Variants in PTMA observed in about 807,000 individuals in gnomAD.
The protein encoded by PTMA is gene sequence 28.
PTMA carries 4 observed loss-of-function variants against 16.9 expected under a neutral mutation model. The observed-to-expected ratio is 0.24, with a 90% CI of 0.12 to 0.54. The LOEUF is 0.54. PTMA is among the 20% of genes least tolerant of loss of function. PTMA has a pLI of 0.95. For missense variants in PTMA, 120 were observed against 137.7 expected (o/e 0.87, Z 0.64); for synonymous variants, 58 against 47.9 (o/e 1.21, Z -0.87).
chr2:231,708,979 C>T (rs1284161031), intron 1 of PTMA, among the ~76,000 whole-genome samples: 1 of 152,154 alleles, frequency 6.6e-6, no homozygotes, highest in East Asian at 1.9e-4. Context: ...GGCCGGGCGC[C>T]CTCGGGGGCC....
intron 1 of PTMA, 175 bp from the exon 2 acceptor site, chr2:231,711,173 C>T: frequency 3.5e-6 from 2 of 565,554 alleles, no homozygotes; most frequent in Non-Finnish European, 6.3e-6. Context: ...CGCCGGCCTT[C>T]CTTCCACCAG....
chr2:231,710,384 C>A, intron 1 of PTMA: 2 of 1,179,912 alleles, frequency 1.7e-6, no homozygotes, highest in Non-Finnish European at 2.1e-6. Flanking sequence ...GCCCGCCGGG[C>A]GGGGGATGCG....
In PTMA at chr2:231,713,201, C is replaced by T. The variant is rs1049658179; in HGVS notation, c.*350C>T. The stretch of plus-strand genomic sequence containing the variant: ...GATCTCGGATGACCAAACCAGCCTT[C>T]GGAGCGTTCTCTGTCCTACTTCTGA... On this transcript the variant is annotated 3_prime_UTR_variant, in exon 5 of 5. Coordinates refer to ENST00000409115, the MANE Select transcript of PTMA (RefSeq NM_002823.5). The T allele has an allele frequency of 1.1e-4, 52 of 470,200 alleles. No individual in the cohort carries two copies. In the Admixed American group the frequency reaches 1.3e-3, roughly 12 times the overall value. 29.1% of individuals were successfully genotyped at this position (470,200 alleles called of 1,614,324 possible).
chr2:231,710,489 G>C (rs1476700704), intron 1 of PTMA: 6 of 1,057,434 alleles, frequency 5.7e-6, no homozygotes, highest in Non-Finnish European at 7.4e-6. Flanking sequence ...GCGGAGCGGA[G>C]CGGGGCGGGC....
intron 1 of PTMA, among the ~76,000 whole-genome samples, chr2:231,709,393 C>T (rs1435371270): frequency 1.3e-5 from 2 of 152,134 alleles, no homozygotes; most frequent in Non-Finnish European, 2.9e-5. Flanking sequence ...GGGTGGGCGC[C>T]CTTCGAGGTG....
At chr2:231,710,408 C>T in intron 1 of PTMA, 5 of 1,151,060 alleles carry the variant, frequency 4.3e-6, no homozygotes, top group Non-Finnish European at 4.3e-6. Flanking sequence ...CTGCGCGCCG[C>T]GACCTCCCTG....
intron 1 of PTMA, chr2:231,710,060 A>G: frequency 2.4e-6 from 3 of 1,225,666 alleles, no homozygotes; most frequent in African/African-American, 1.6e-5. Context: ...CCGAAGCACC[A>G]AAAGGTGACT....
In PTMA at chr2:231,709,048, G is replaced by GT. The variant is rs2048479235; in HGVS notation, c.45+298dup. ...CGAAACTCGTCTGTGGCCGGTATGA[G>GT]TGGCGGCGGGAGGAGAAGAGCCTGG... is the stretch of plus-strand genomic sequence containing the variant. On this transcript the variant is annotated intron_variant, in intron 1 of 4. Coordinates refer to ENST00000409115, the MANE Select transcript of PTMA (RefSeq NM_002823.5). 3.3e-5 allele frequency among the ~76,000 whole-genome samples: 5 copies of GT among 152,302 alleles called. No individual in the cohort carries two copies. The South Asian group carries it at 1.0e-3, about 32-fold the overall frequency.
intron 4 of PTMA, 76 bp from the exon 5 acceptor site, chr2:231,712,728 C>G: frequency 6.6e-7 from 1 of 1,517,012 alleles, no homozygotes; most frequent in African/African-American, 1.4e-5. Flanking sequence ...TCTTGCTCTG[C>G]CAGCAGGAGC....
Position 231,713,315 on chromosome 2 carries a change from T to A in PTMA, c.*464T>A. 2.0e-6 allele frequency: 1 copy of A among 508,542 alleles called. No homozygotes were observed. Among genetic ancestry groups the A allele is most frequent in the Non-Finnish European group, 4.0e-6 (1 of 252,050 alleles). The allele number at this position is 508,542 out of a possible 1,614,324, so 31.5% of individuals were successfully genotyped here. On this transcript the variant is annotated 3_prime_UTR_variant, in exon 5 of 5. Coordinates refer to ENST00000409115, the MANE Select transcript of PTMA (RefSeq NM_002823.5). ...AGCAAAAATGACAACAGAAAAACAA[T>A]CTTATTCCGAGCATTCCAGTAACTT...
intron 1 of PTMA, chr2:231,709,923 G>A: frequency 2.0e-6 from 1 of 492,200 alleles, no homozygotes; most frequent in Non-Finnish European, 3.1e-6. Flanking sequence ...CGACTTCTTG[G>A]CAGAGCGGAG....
chr2:231,710,341 T>C (rs1306905540), intron 1 of PTMA: 1 of 1,216,324 alleles, frequency 8.2e-7, no homozygotes, highest in Non-Finnish European at 1.0e-6. Context: ...ACGTGCTCCC[T>C]GCGCGCGGTG....
rs1405339665 is a variant in PTMA at position 231,712,840 on chromosome 2, G to T, written c.322G>T (p.Glu108Ter). 6.3e-7 allele frequency: 1 copy of T among 1,582,386 alleles called. No homozygotes were observed. The highest frequency in any genetic ancestry group is 1.4e-5 in the African/African-American group (1 of 73,994). Residue 108 changes from glutamate (E) to a stop codon, truncating the protein, a stop_gained, in exon 5 of 5, where the codon GAG (glutamate) becomes TAG (stop). Transcript: ENST00000409115. LOFTEE classifies it high-confidence loss of function. ...CGATACCAAGAAGCAGAAGACCGAC[G>T]AGGATGACTAGACAGCAAAAAAGGA... ...DVDTKKQKTD[E>*]DD
rs542997515 is a variant in PTMA, at chr2:231,709,958, G to T, written c.45+1207G>T. Reference sequence around the variant, plus strand: ...GCTCGGGGCCCGGATCTCCACAGGGGCTCTCAGTGACCCCTTCTGGACTCA... The same window carrying T: ...GCTCGGGGCCCGGATCTCCACAGGGTCTCTCAGTGACCCCTTCTGGACTCA... On this transcript the variant is annotated intron_variant, in intron 1 of 4. Coordinates refer to ENST00000409115, the MANE Select transcript of PTMA (RefSeq NM_002823.5). The T allele has an allele frequency of 2.3e-3, 1,777 of 775,408 alleles. 2 individuals are homozygous for T. Among genetic ancestry groups the T allele is most frequent in the Admixed American group, 2.6e-3 (58 of 22,234 alleles). 48.0% of individuals were successfully genotyped at this position (775,408 alleles called of 1,614,324 possible).
intron 1 of PTMA, 190 bp from the exon 2 acceptor site, chr2:231,711,158 C>T (rs1017999390): frequency 3.9e-6 from 2 of 519,308 alleles, no homozygotes; most frequent in East Asian, 3.2e-5. Flanking sequence ...ATCACAGATG[C>T]CCCCCGCCGG....
chr2:231,712,323 C>G, intron 3 of PTMA, 120 bp from the exon 4 acceptor site: 1 of 1,102,578 alleles, frequency 9.1e-7, no homozygotes, highest in Non-Finnish European at 1.3e-6. Flanking sequence ...CTGATTGGGC[C>G]CAGTTGCAGG....
chr2:231,710,839 C>T (rs1012380110), intron 1 of PTMA, among the ~76,000 whole-genome samples: 1 of 152,350 alleles, frequency 6.6e-6, no homozygotes, highest in East Asian at 1.9e-4. Flanking sequence ...CCTGTCCTGG[C>T]CGGGGCGGTG....
intron 1 of PTMA, chr2:231,710,282 G>A (rs1375284037): frequency 2.3e-6 from 3 of 1,294,202 alleles, no homozygotes; most frequent in Non-Finnish European, 3.0e-6. Flanking sequence ...AGCTCTGCCT[G>A]CCGGCCGGGA....
chr2:231,710,665 C>G (rs1010329566), intron 1 of PTMA: 6 of 436,558 alleles, frequency 1.4e-5, no homozygotes, highest in Middle Eastern at 3.6e-4. Flanking sequence ...CGGGCGGAGT[C>G]CCACCCCCGA....
Sources: gnomAD v4.1 joint callset for allele counts (sites outside exome capture counted in the v4.1 genomes callset) on GRCh38, gnomAD v4.1.1 for gene constraint, MANE v1.5 for transcripts, NCBI Gene and HGNC (gene_info 2026-07-23, HGNC 2026-07-21) for gene names.